The following UST variants were observed in gnomAD, a reference collection of about 807,000 sequenced individuals.
UST encodes chondroitin sulfate 2-O-sulfotransferase.
In UST, 21 loss-of-function variants were observed where a neutral mutation model predicts 45.6. The observed-to-expected ratio is 0.46, with a 90% CI of 0.33 to 0.66. UST has a LOEUF of 0.66. Among genes scored for constraint, UST ranks in the 30% least tolerant of loss-of-function variants. The pLI, the probability that UST is intolerant of heterozygous loss-of-function variation, is 0.02. For missense variants in UST, 463 were observed against 512.4 expected (o/e 0.90, Z 0.93); for synonymous variants, 215 against 200.6 (o/e 1.07, Z -0.61).
At chr6:148,939,396 A>G (rs1405633941) in intron 2 of UST, among the ~76,000 whole-genome samples, 3 of 152,222 alleles carry the variant, frequency 2.0e-5, no homozygotes, top group Non-Finnish European at 4.4e-5. Flanking sequence ...GCCAAAAACA[A>G]TCTTGAAAAG....
intron 4 of UST, 48 bp downstream of exon 4, chr6:148,953,999 C>T (rs1192893813): frequency 2.1e-6 from 3 of 1,415,498 alleles, no homozygotes; most frequent in Non-Finnish European, 2.9e-6. Context: ...TTCTAATGAA[C>T]AGTTACTTTA....
At chr6:148,909,803 C>T (rs1321352844) in intron 2 of UST, among the ~76,000 whole-genome samples, 1 of 152,060 alleles carries the variant, frequency 6.6e-6, no homozygotes, top group African/African-American at 2.4e-5. Flanking sequence ...TCCTCAAGCA[C>T]TGTCCCCCCC....
chr6:148,837,173 T>A (rs1344332047), intron 1 of UST, among the ~76,000 whole-genome samples: 2 of 152,202 alleles, frequency 1.3e-5, no homozygotes, highest in Non-Finnish European at 2.9e-5. Context: ...AGTTATCTCC[T>A]GAATTTTGGA....
intron 7 of UST, among the ~76,000 whole-genome samples, chr6:149,072,178 C>T (rs1243275788): frequency 6.6e-6 from 1 of 152,168 alleles, no homozygotes; most frequent in African/African-American, 2.4e-5. Flanking sequence ...TACCGCATGA[C>T]CCAGCAATTC....
intron 1 of UST, among the ~76,000 whole-genome samples, chr6:148,838,745 A>AT (rs1014936453): frequency 5.3e-4 from 79 of 148,400 alleles, no homozygotes; most frequent in Admixed American, 2.4e-3. Context: ...TCTCTACAGA[A>AT]TTTTTTTTTT....
Position 149,021,342 on chromosome 6 carries a change from C to T in UST, c.798C>T (p.Ala266=). The change falls in exon 7 of 8, where the codon GCC becomes GCT. Residue 266 remains alanine, a synonymous_variant. Transcript: ENST00000367463. ...HPRCREPGEW[A]LERAKLNVNE... ...CATAAAGGGAGCCTGGTGAATGGGC[C>T]CTTGAGAGAGCAAAGCTGAACGTGA... 1.2e-6 allele frequency: 2 copies of T among 1,613,138 alleles called. No individual in the cohort carries two copies. The highest frequency in any genetic ancestry group is 1.1e-5 in the South Asian group (1 of 90,966).
intron 1 of UST, among the ~76,000 whole-genome samples, chr6:148,760,807 A>G (rs1776203447): frequency 6.6e-6 from 1 of 152,236 alleles, no homozygotes; most frequent in Non-Finnish European, 1.5e-5. Context: ...CAGTTTATCA[A>G]TGAGAAAAAG....
At chr6:148,910,600 C>A (rs1203270965) in intron 2 of UST, among the ~76,000 whole-genome samples, 1 of 152,102 alleles carries the variant, frequency 6.6e-6, no homozygotes, top group Non-Finnish European at 1.5e-5. Context: ...AACTCAGAAC[C>A]CTTACATGGG....
At position 148,756,132 on chromosome 6, in the gene UST, T is replaced by C. The variant is rs532230959; in HGVS notation, c.247+8455T>C. 5.9e-5 allele frequency among the ~76,000 whole-genome samples: 9 copies of C among 152,024 alleles called. No homozygotes were observed. In the South Asian group the frequency reaches 1.9e-3, roughly 32 times the overall value. On this transcript the variant is annotated intron_variant, in intron 1 of 7. Transcript: ENST00000367463. ...TTTGGTTTTTTGTCCTTGTGATAGT[T>C]TGCTGAGAATAATGGTTTCCAGCTT...
chr6:148,896,397 T>C (rs1779130237), intron 2 of UST, among the ~76,000 whole-genome samples: 1 of 152,226 alleles, frequency 6.6e-6, no homozygotes, highest in Non-Finnish European at 1.5e-5. Context: ...AGGGCCGCCC[T>C]GCCTAGCATG....
At chr6:148,981,787 C>T (rs910545411) in intron 5 of UST, among the ~76,000 whole-genome samples, 2 of 152,212 alleles carry the variant, frequency 1.3e-5, no homozygotes, top group Non-Finnish European at 2.9e-5. Context: ...CCTGTGCAAG[C>T]ATCTCCGGTG....
rs140781304 is a variant in UST, at chr6:148,916,366, G to T, written c.292-24913G>T. 5.3e-5 allele frequency among the ~76,000 whole-genome samples: 8 copies of T among 152,294 alleles called. No homozygotes were observed. In the East Asian group the frequency reaches 1.2e-3, roughly 22 times the overall value. The stretch of plus-strand genomic sequence containing the variant: ...GATCCACCGTAACACATATCCTCCC[G>T]TGAGTATATTTTGCAAATTGTGAAG... On this transcript the variant is annotated intron_variant, in intron 2 of 7. Transcript: ENST00000367463.
At chr6:149,059,246 T>C (rs1444819702) in intron 7 of UST, among the ~76,000 whole-genome samples, 1 of 152,192 alleles carries the variant, frequency 6.6e-6, no homozygotes, top group South Asian at 2.1e-4. Context: ...CATTAGGATC[T>C]GAGGGTGAGG....
At chr6:148,955,271 C>A (rs973764136) in intron 4 of UST, among the ~76,000 whole-genome samples, 17 of 152,202 alleles carry the variant, frequency 1.1e-4, no homozygotes, top group African/African-American at 4.1e-4. Flanking sequence ...GTCCAGGGTG[C>A]CTGACAACCC....
chr6:148,802,819 G>A (rs936488240), intron 1 of UST, among the ~76,000 whole-genome samples: 2 of 152,110 alleles, frequency 1.3e-5, no homozygotes, highest in Non-Finnish European at 2.9e-5. Context: ...TCGTGAAAGG[G>A]GTCTTAGAGC....
At chr6:148,797,117 A>G (rs1399501225) in intron 1 of UST, among the ~76,000 whole-genome samples, 1 of 152,132 alleles carries the variant, frequency 6.6e-6, no homozygotes, top group East Asian at 1.9e-4. Context: ...TTAATAGTTT[A>G]GAAAGCACTG....
intron 3 of UST, among the ~76,000 whole-genome samples, chr6:148,953,526 T>C (rs536905284): frequency 8.5e-5 from 13 of 152,274 alleles, no homozygotes; most frequent in Non-Finnish European, 1.6e-4. Context: ...CTCACGCTTG[T>C]AATCCCAGCA....
chr6:148,928,245 T>C (rs1211742307), intron 2 of UST, among the ~76,000 whole-genome samples: 6 of 152,266 alleles, frequency 3.9e-5, no homozygotes, highest in African/African-American at 1.4e-4. Flanking sequence ...ATTTGTTTCT[T>C]TAACTAAACT....
In UST at chr6:148,810,469, T is replaced by C. The variant is rs1221498811; in HGVS notation, c.247+62792T>C. On this transcript the variant is annotated intron_variant, in intron 1 of 7. Coordinates refer to ENST00000367463, the MANE Select transcript of UST (RefSeq NM_005715.3). ...TGTAGATATTTCCGTTTCTATTACT[T>C]AAATAGATCCCCACAGTAGTTTGGT... Among the ~76,000 whole-genome samples, 4 of 152,230 alleles carry C rather than the reference T, an allele frequency of 2.6e-5. No homozygotes were observed. In the South Asian group the frequency reaches 8.3e-4, roughly 31 times the overall value.
Sources: allele counts gnomAD v4.1 joint callset (sites outside exome capture counted in the v4.1 genomes callset), GRCh38; gene constraint gnomAD v4.1.1; transcripts MANE v1.5; gene names NCBI Gene and HGNC (gene_info 2026-07-23, HGNC 2026-07-21).